OTOF: variants seen among roughly 807,000 people sequenced by gnomAD.
The protein encoded by OTOF is fer-1-like family member 2.
In OTOF, 218 loss-of-function variants were observed where a neutral mutation model predicts 236.8. The observed-to-expected ratio is 0.92, with a 90% CI of 0.82 to 1.03. The LOEUF is 1.03. Ranked by LOEUF, OTOF falls within the 50% of genes least tolerant of loss-of-function variation. The probability of loss-of-function intolerance (pLI) is 0.00; values close to 1 mark genes in which losing one functional copy is unlikely to be tolerated. For missense variants in OTOF, 2,590 were observed against 2,694.4 expected (o/e 0.96, Z 0.86); for synonymous variants, 1,041 against 1,072.5 (o/e 0.97, Z 0.57).
At chr2:26,506,902 A>C (rs1401027137) in intron 5 of OTOF, among the ~76,000 whole-genome samples, 1 of 152,136 alleles carries the variant, frequency 6.6e-6, no homozygotes, top group South Asian at 2.1e-4. Context: ...GAGGCAGGAG[A>C]ATCGCTTGAA....
intron 32 of OTOF, among the ~76,000 whole-genome samples, chr2:26,469,571 G>A (rs1664886355): frequency 6.6e-6 from 1 of 152,186 alleles, no homozygotes; most frequent in African/African-American, 2.4e-5. Context: ...AAAAGCATAT[G>A]CCTCATCTCC....
intron 3 of OTOF, among the ~76,000 whole-genome samples, chr2:26,523,548 G>A (rs968173277): frequency 2.0e-5 from 3 of 152,118 alleles, no homozygotes; most frequent in East Asian, 1.9e-4. Context: ...CAAATGCATC[G>A]GTCATGTGAT....
At chr2:26,531,725 C>T (rs958488646) in intron 2 of OTOF, among the ~76,000 whole-genome samples, 4 of 151,958 alleles carry the variant, frequency 2.6e-5, no homozygotes, top group East Asian at 3.9e-4. Context: ...CACAGCAAGA[C>T]GAGATGAGGA....
In OTOF at chr2:26,470,065, G is replaced by A. The variant is rs915564958; in HGVS notation, c.4023+528C>T. On this transcript the variant is annotated intron_variant, in intron 32 of 46. Transcript: ENST00000272371. This position sits in a 1 kb window ranked among gnomAD's most constrained non-coding sequence, Gnocchi z 4.3. Reference sequence around the variant, plus strand: ...GAATCATTCACGTGCCGATGACCAAGATGTGTAAAATAAAACATTATGAAG... The same window carrying A: ...GAATCATTCACGTGCCGATGACCAAAATGTGTAAAATAAAACATTATGAAG... Among the ~76,000 whole-genome samples, 18 of 152,216 alleles carry A rather than the reference G, an allele frequency of 1.2e-4. No homozygotes were observed. The highest frequency in any genetic ancestry group is 4.3e-4 in the African/African-American group (18 of 41,462).
At chr2:26,550,533 T>G (rs563584960) in intron 1 of OTOF, among the ~76,000 whole-genome samples, 52 of 152,296 alleles carry the variant, frequency 3.4e-4, no homozygotes, top group Middle Eastern at 3.4e-3. Flanking sequence ...TCCAGGTGTT[T>G]CCACCCTGAT....
chr2:26,499,571 G>A (rs13400097), intron 8 of OTOF, among the ~76,000 whole-genome samples: 47,190 of 151,794 alleles, frequency 0.31, 10,262 homozygotes, highest in African/African-American at 0.61. Context: ...GCAGTGGTGC[G>A]GTCTCGACTC....
At chr2:26,557,494 C>T (rs1298015758) in intron 1 of OTOF, among the ~76,000 whole-genome samples, 1 of 152,292 alleles carries the variant, frequency 6.6e-6, no homozygotes, top group African/African-American at 2.4e-5. Flanking sequence ...TCCCCGGGGT[C>T]AGGTCCAGCC....
At chr2:26,517,497 CA>C (rs1386013195) in intron 4 of OTOF, among the ~76,000 whole-genome samples, 1 of 152,196 alleles carries the variant, frequency 6.6e-6, no homozygotes, top group African/African-American at 2.4e-5. Flanking sequence ...CCTTACCTAG[CA>C]TATCAGGAGG....
rs1664390423 is a variant in OTOF, at chr2:26,460,122, A to G, written c.5897T>C (p.Leu1966Pro). ...YFLWHTYRWL[L>P]LKLLLLLLLL... ...CAGCAGGAGCAGCAACAGTTTGAGG[A>G]GCAGCCAGCGATACGTGTGCCACAA... The change falls in exon 46 of 47, where the codon CTC (leucine) becomes CCC (proline). Residue 1966 changes from leucine to proline, a missense_variant. Coordinates refer to ENST00000272371, the MANE Select transcript of OTOF (RefSeq NM_194248.3). This position sits in a 1 kb window ranked among gnomAD's most constrained non-coding sequence, Gnocchi z 5.3. The G allele has an allele frequency of 2.5e-6, 4 of 1,594,568 alleles. No individual in the cohort carries two copies. The highest frequency in any genetic ancestry group is 3.4e-6 in the Non-Finnish European group (4 of 1,170,834).
intron 5 of OTOF, among the ~76,000 whole-genome samples, chr2:26,513,882 A>G (rs1039908756): frequency 2.0e-5 from 3 of 152,110 alleles, no homozygotes; most frequent in Non-Finnish European, 4.4e-5. Flanking sequence ...TCCTCCCAGA[A>G]CCCACACTAT....
At chr2:26,493,793 C>T (rs548532685) in intron 9 of OTOF, among the ~76,000 whole-genome samples, 15 of 152,174 alleles carry the variant, frequency 9.9e-5, no homozygotes, top group African/African-American at 2.4e-4. Context: ...GAAACTTAGG[C>T]GACGTCAGGG....
chr2:26,537,811 C>T (rs1488408406), intron 1 of OTOF, 37 bp from the exon 2 acceptor site: 1 of 1,474,602 alleles, frequency 6.8e-7, no homozygotes, highest in Non-Finnish European at 9.3e-7. Context: ...AGGGTCAGAG[C>T]TGTCCAGACG....
rs1476961414 is a variant in OTOF, at chr2:26,502,498, G to A, written c.584-72C>T. ...TAGTGACCATTTCTCCTTTTACTCT[G>A]GCATCCAGAAAGCTGAGAGTTAAAT... On this transcript the variant is annotated intron_variant, in intron 6 of 46. Transcript: ENST00000272371. 6 of 1,495,696 alleles carry A rather than the reference G, an allele frequency of 4.0e-6. No homozygotes were observed. The South Asian group carries it at 4.7e-5, about 12-fold the overall frequency. The allele number at this position is 1,495,696 out of a possible 1,614,324, so 92.7% of individuals were successfully genotyped here.
In OTOF at chr2:26,475,954, A is replaced by G; in HGVS notation, c.2951T>C (p.Phe984Ser). The change falls in exon 24 of 47, where the codon TTT becomes TCT. Residue 984 changes from phenylalanine (F) to serine (S), a missense_variant. By Grantham distance (155) the Phe-to-Ser change is radical. Transcript: ENST00000272371. ...CTGATTGATGAAGAAGACGCGGGCA[A>G]AGGGGTCTGAGAGTCCGCTGCTGTC... ...AADSSGLSDP[F>S]ARVFFINQSQ... 6.2e-7 allele frequency: 1 copy of G among 1,612,102 alleles called. No individual in the cohort carries two copies. Among genetic ancestry groups the G allele is most frequent in the Non-Finnish European group, 8.5e-7 (1 of 1,179,698 alleles).
At chr2:26,489,588 G>A in intron 10 of OTOF, 90 bp downstream of exon 10, 1 of 1,077,474 alleles carries the variant, frequency 9.3e-7, no homozygotes. Flanking sequence ...TCTTTATCAT[G>A]GGTCTAGACA....
intron 8 of OTOF, among the ~76,000 whole-genome samples, chr2:26,499,790 C>T (rs562048264): frequency 2.1e-4 from 32 of 152,272 alleles, no homozygotes; most frequent in Admixed American, 3.9e-4. Context: ...TCACTGCACC[C>T]GGCCTGCTTT....
At chr2:26,555,441 G>A (rs892732555) in intron 1 of OTOF, among the ~76,000 whole-genome samples, 2 of 152,244 alleles carry the variant, frequency 1.3e-5, no homozygotes, top group Non-Finnish European at 2.9e-5. Flanking sequence ...GCATGTTCAG[G>A]AAATGCATGA....
At chr2:26,546,334 G>A (rs1667331920) in intron 1 of OTOF, among the ~76,000 whole-genome samples, 1 of 152,076 alleles carries the variant, frequency 6.6e-6, no homozygotes, top group African/African-American at 2.4e-5. Flanking sequence ...GATGGTGCAT[G>A]CCTGTAATCC....
At chr2:26,499,026 G>A (rs1015322603) in intron 8 of OTOF, among the ~76,000 whole-genome samples, 3 of 152,260 alleles carry the variant, frequency 2.0e-5, no homozygotes, top group Middle Eastern at 3.4e-3. Context: ...TCAGTGGCAG[G>A]GGCATGAAAT....
Sources: gnomAD v4.1 joint callset for allele counts (sites outside exome capture counted in the v4.1 genomes callset) on GRCh38, gnomAD v4.1.1 for gene constraint, Gnocchi (gnomAD v3.1) non-coding constraint, MANE v1.5 for transcripts, NCBI Gene and HGNC (gene_info 2026-07-23, HGNC 2026-07-21) for gene names.